BNIP3L: variants seen among roughly 807,000 people sequenced by gnomAD.
BNIP3L encodes the protein BCL2/adenovirus E1B 19 kDa protein-interacting protein 3-like.
BNIP3L carries 10 observed loss-of-function variants against 25.5 expected under a neutral mutation model. The ratio of observed to expected loss-of-function variants is 0.39; its 90% CI spans 0.24 to 0.67. The LOEUF is 0.67. BNIP3L is among the 30% of genes least tolerant of loss of function. The pLI, the probability that BNIP3L is intolerant of heterozygous loss-of-function variation, is 0.45. For missense variants in BNIP3L, 215 were observed against 270.9 expected (o/e 0.79, Z 1.45); for synonymous variants, 113 against 101.2 (o/e 1.12, Z -0.70).
chr8:26,395,070 A>G (rs1806203341), intron 2 of BNIP3L, among the ~76,000 whole-genome samples, 160 bp from the exon 3 acceptor site: 2 of 152,234 alleles, frequency 1.3e-5, no homozygotes, highest in Admixed American at 1.3e-4. Flanking sequence ...TAGCCTTTTA[A>G]TATCACATAA....
At chr8:26,384,553 A>G (rs1805943373) in intron 1 of BNIP3L, among the ~76,000 whole-genome samples, 1 of 152,122 alleles carries the variant, frequency 6.6e-6, no homozygotes, top group Non-Finnish European at 1.5e-5. Flanking sequence ...GCCCATGTTT[A>G]GCATACTGTC....
At chr8:26,408,523 A>G (rs1585441992) in intron 5 of BNIP3L, 147 bp downstream of exon 5, 7 of 932,268 alleles carry the variant, frequency 7.5e-6, no homozygotes, top group East Asian at 4.9e-5. Flanking sequence ...TGGGTGCACA[A>G]TTGTTCTACA....
In BNIP3L at chr8:26,412,269, C is replaced by G. The variant is rs940741960; in HGVS notation, c.*1857C>G. On this transcript the variant is annotated 3_prime_UTR_variant, in exon 6 of 6. Coordinates refer to ENST00000380629, the MANE Select transcript of BNIP3L (RefSeq NM_004331.3). ...GGAAGAAAGTAAATCTGATGGCTCA[C>G]TGATTTTTGAAAAGCCTGAATAAAA... is the stretch of plus-strand genomic sequence containing the variant. The G allele has an allele frequency of 2.0e-5, 3 of 152,098 alleles. No individual in the cohort carries two copies. The highest frequency in any genetic ancestry group is 4.4e-5 in the Non-Finnish European group (3 of 68,034). 9.4% of individuals were successfully genotyped at this position (152,098 alleles called of 1,614,324 possible).
Position 26,410,498 on chromosome 8 carries a change from A to G in BNIP3L, c.*86A>G. The G allele has an allele frequency of 6.7e-7, 1 of 1,486,624 alleles. No homozygotes were observed. 92.1% of individuals were successfully genotyped at this position (1,486,624 alleles called of 1,614,324 possible). The stretch of plus-strand genomic sequence containing the variant: ...CTTATTTGAACTTGAGACCATTGTA[A>G]GCATGACCCAACCTACCACCCTGTT... On this transcript the variant is annotated 3_prime_UTR_variant, in exon 6 of 6. Coordinates refer to ENST00000380629, the MANE Select transcript of BNIP3L (RefSeq NM_004331.3).
intron 1 of BNIP3L, 142 bp downstream of exon 1, chr8:26,383,372 C>T (rs1805899827): frequency 6.9e-6 from 10 of 1,459,624 alleles, no homozygotes; most frequent in Non-Finnish European, 7.2e-6. Context: ...TGACAGCTCC[C>T]GTCCCCTGTC....
intron 3 of BNIP3L, among the ~76,000 whole-genome samples, chr8:26,403,259 C>A (rs1166760257): frequency 6.6e-6 from 1 of 151,884 alleles, no homozygotes; most frequent in Non-Finnish European, 1.5e-5. Flanking sequence ...TTTAAACTTT[C>A]AAAAACCTTT....
intron 1 of BNIP3L, among the ~76,000 whole-genome samples, chr8:26,383,897 AT>A (rs35370895): frequency 0.71 from 105,183 of 149,098 alleles, 37,073 homozygotes; most frequent in East Asian, 0.87. Context: ...TGCCCAAGTG[AT>A]TTTTTTTTTT....
At position 26,408,314 on chromosome 8, in the gene BNIP3L, A is replaced by G. The variant is rs200081637; in HGVS notation, c.549A>G (p.Ala183=). Residue 183 remains alanine (A), a synonymous_variant, in exon 5 of 6, where the codon GCA becomes GCG. Coordinates refer to ENST00000380629, the MANE Select transcript of BNIP3L (RefSeq NM_004331.3). ...GAMKKGGIFS[A]EFLKVFIPSL... ...TGAAGAAAGGGGGTATTTTCTCCGC[A>G]GAATTTCTGAAGGTGTTCATTCCAT... 1.9e-6 allele frequency: 3 copies of G among 1,614,202 alleles called. No homozygotes were observed. In the East Asian group the frequency reaches 6.7e-5, roughly 36 times the overall value.
At chr8:26,391,122 A>G in intron 1 of BNIP3L, 121 bp from the exon 2 acceptor site, 1 of 769,534 alleles carries the variant, frequency 1.3e-6, no homozygotes, top group Non-Finnish European at 2.0e-6. Flanking sequence ...TTTCTTCAGA[A>G]TACTTTTACA....
intron 3 of BNIP3L, among the ~76,000 whole-genome samples, chr8:26,407,259 C>G (rs1010344068): frequency 6.6e-6 from 1 of 151,416 alleles, no homozygotes; most frequent in African/African-American, 2.4e-5. Context: ...GATCTCTGCT[C>G]ACTGCAAGCT....
chr8:26,402,587 T>C (rs563591054), intron 3 of BNIP3L, among the ~76,000 whole-genome samples: 25 of 152,302 alleles, frequency 1.6e-4, no homozygotes, highest in African/African-American at 6.0e-4. Flanking sequence ...CACTCTCACC[T>C]TAGTAGTCGC....
intron 5 of BNIP3L, 75 bp from the exon 6 acceptor site, chr8:26,410,289 T>TA (rs934921104): frequency 6.5e-7 from 1 of 1,549,876 alleles, no homozygotes; most frequent in African/African-American, 1.4e-5. Context: ...GAGTTTTAAG[T>TA]AGAGTTCAAC....
At chr8:26,394,398 C>G (rs767131667) in intron 2 of BNIP3L, among the ~76,000 whole-genome samples, 5 of 151,872 alleles carry the variant, frequency 3.3e-5, no homozygotes, top group Non-Finnish European at 7.4e-5. Context: ...CATTACATAC[C>G]TTTACATTCT....
rs1297102037 is a variant in BNIP3L, at chr8:26,410,626, G to T, written c.*214G>T. ...CCCTTTTTGGCCTGAAGACATTTTA[G>T]AATTTCCTAACAGAGTTTACTGTTG... On this transcript the variant is annotated 3_prime_UTR_variant, in exon 6 of 6. Transcript: ENST00000380629. The T allele has an allele frequency of 7.0e-6, 4 of 571,434 alleles. No individual in the cohort carries two copies. Among genetic ancestry groups the T allele is most frequent in the Non-Finnish European group, 9.3e-6 (3 of 323,352 alleles). The allele number at this position is 571,434 out of a possible 1,614,324, so 35.4% of individuals were successfully genotyped here. A position where few individuals can be genotyped will look rare whatever the true frequency, so the allele number is the denominator to read the frequency against.
At position 26,411,608 on chromosome 8, in the gene BNIP3L, CTT is replaced by C. The variant is rs1397546039; in HGVS notation, c.*1199_*1200del. 6.6e-6 allele frequency: 1 copy of C among 152,570 alleles called. No homozygotes were observed. Among genetic ancestry groups the C allele is most frequent in the African/African-American group, 2.4e-5 (1 of 41,434 alleles). 9.5% of individuals were successfully genotyped at this position (152,570 alleles called of 1,614,324 possible). A position where few individuals can be genotyped will look rare whatever the true frequency, so the allele number is the denominator to read the frequency against. ...ACTGGTCATTTTCTCATGTAGCTGTCTTTTCAGTTATGGTAAACTCTTAAAGT... is the reference window on the plus strand; with the variant it reads ...ACTGGTCATTTTCTCATGTAGCTGTCTTCAGTTATGGTAAACTCTTAAAGT... On this transcript the variant is annotated 3_prime_UTR_variant, in exon 6 of 6. Transcript: ENST00000380629.
chr8:26,402,342 T>A (rs1806403924), intron 3 of BNIP3L, among the ~76,000 whole-genome samples: 1 of 152,222 alleles, frequency 6.6e-6, no homozygotes, highest in Non-Finnish European at 1.5e-5. Flanking sequence ...TGCAGTAAGC[T>A]ATAGCTGATG....
chr8:26,393,947 A>T (rs1806170813), intron 2 of BNIP3L, among the ~76,000 whole-genome samples: 3 of 152,212 alleles, frequency 2.0e-5, no homozygotes, highest in African/African-American at 7.2e-5. Context: ...ATTTCTGACG[A>T]TCTTATTTCT....
chr8:26,410,327 G>A, intron 5 of BNIP3L, 37 bp from the exon 6 acceptor site: 1 of 1,613,248 alleles, frequency 6.2e-7, no homozygotes, highest in Non-Finnish European at 8.5e-7. Context: ...TAGAACTGTT[G>A]AAACAGGTGA....
At chr8:26,399,960 AATCAAT>A (rs2117483598) in intron 3 of BNIP3L, among the ~76,000 whole-genome samples, 1 of 150,926 alleles carries the variant, frequency 6.6e-6, no homozygotes, top group South Asian at 2.1e-4. Context: ...GGGTAGGAAG[AATCAAT>A]ATCGTGAAAA....
Sources: allele counts gnomAD v4.1 joint callset (sites outside exome capture counted in the v4.1 genomes callset), GRCh38; gene constraint gnomAD v4.1.1; transcripts MANE v1.5; gene names NCBI Gene and HGNC (gene_info 2026-07-23, HGNC 2026-07-21).